Variants in SGCZ observed in about 807,000 individuals in gnomAD.
SGCZ encodes zeta-sarcoglycan.
SGCZ carries 40 observed loss-of-function variants against 41.3 expected under a neutral mutation model. The ratio of observed to expected loss-of-function variants is 0.97; its 90% confidence interval spans 0.75 to 1.26. SGCZ has a LOEUF of 1.26. Among genes scored for constraint, SGCZ ranks in the 50% most tolerant of loss-of-function variants. SGCZ has a pLI of 0.00. For missense variants in SGCZ, 552 were observed against 369.8 expected (o/e 1.49, Z -4.04); for synonymous variants, 206 against 137.5 (o/e 1.50, Z -3.49).
At chr8:14,933,403 G>A (rs1039783491) in intron 1 of SGCZ, among the ~76,000 whole-genome samples, 1 of 151,278 alleles carries the variant, frequency 6.6e-6, no homozygotes, top group Non-Finnish European at 1.5e-5. Flanking sequence ...CACCATTGAA[G>A]GAGTTTTATT....
chr8:14,595,721 C>T (rs1488722741), intron 1 of SGCZ, among the ~76,000 whole-genome samples: 2 of 152,072 alleles, frequency 1.3e-5, no homozygotes, highest in Non-Finnish European at 2.9e-5. Context: ...AGAATGCCTT[C>T]AGGGAAAAAA....
intron 1 of SGCZ, among the ~76,000 whole-genome samples, chr8:15,212,332 C>G (rs930834077): frequency 5.5e-4 from 84 of 152,174 alleles, no homozygotes; most frequent in Middle Eastern, 3.4e-3. Context: ...CCTTTTGAAG[C>G]CACACACTGG....
intron 2 of SGCZ, among the ~76,000 whole-genome samples, chr8:14,418,321 G>C (rs1485386562): frequency 1.3e-5 from 2 of 151,742 alleles, no homozygotes; most frequent in Non-Finnish European, 2.9e-5. Context: ...AAATGGGTTG[G>C]GTCTAAGGAG....
chr8:14,472,810 CTT>C (rs1801250537), intron 2 of SGCZ, among the ~76,000 whole-genome samples: 1 of 152,028 alleles, frequency 6.6e-6, no homozygotes, highest in African/African-American at 2.4e-5. Context: ...ATAAATAACT[CTT>C]TATAAAAATG....
chr8:14,389,464 C>A (rs188829549), intron 2 of SGCZ, among the ~76,000 whole-genome samples: 4 of 147,816 alleles, frequency 2.7e-5, no homozygotes, highest in Non-Finnish European at 5.9e-5. Context: ...AAATCACAAA[C>A]TAACCTGACA....
In SGCZ at chr8:14,645,739, T is replaced by C. The variant is rs972437421; in HGVS notation, c.40-90813A>G. Reference sequence around the variant, plus strand: ...ACACACACACATTCTGTTTTAATATTGTAAATTTTTACGTAGTAAGTTACC... The same window carrying C: ...ACACACACACATTCTGTTTTAATATCGTAAATTTTTACGTAGTAAGTTACC... On this transcript the variant is annotated intron_variant, in intron 1 of 7. Coordinates refer to ENST00000382080, the MANE Select transcript of SGCZ (RefSeq NM_139167.4). 5.3e-5 allele frequency among the ~76,000 whole-genome samples: 8 copies of C among 151,556 alleles called. No homozygotes were observed. In the Admixed American group the frequency reaches 5.3e-4, roughly 10 times the overall value.
intron 2 of SGCZ, among the ~76,000 whole-genome samples, chr8:14,505,206 T>A (rs1802269733): frequency 6.6e-6 from 1 of 152,136 alleles, no homozygotes; most frequent in African/African-American, 2.4e-5. Flanking sequence ...TATTAAAGGT[T>A]CTTAAGTACT....
chr8:14,639,074 T>A (rs1366868775), intron 1 of SGCZ, among the ~76,000 whole-genome samples: 1 of 136,652 alleles, frequency 7.3e-6, no homozygotes, highest in African/African-American at 2.7e-5. Flanking sequence ...TGAGAGGGAA[T>A]TTTGCTCTGT....
chr8:15,136,479 C>T (rs1349943697), intron 1 of SGCZ, among the ~76,000 whole-genome samples: 2 of 151,884 alleles, frequency 1.3e-5, no homozygotes, highest in Non-Finnish European at 2.9e-5. Context: ...CAGGGAAGGG[C>T]ATTGATATTG....
At chr8:14,489,033 CA>C (rs147520331) in intron 2 of SGCZ, among the ~76,000 whole-genome samples, 28,016 of 149,836 alleles carry the variant, frequency 0.19, 3,186 homozygotes, top group Admixed American at 0.26. Context: ...TAAAACACTG[CA>C]ACCAGTGGAA....
At chr8:15,173,897 T>C (rs1456785405) in intron 1 of SGCZ, among the ~76,000 whole-genome samples, 2 of 152,072 alleles carry the variant, frequency 1.3e-5, no homozygotes, top group East Asian at 3.9e-4. Context: ...CTGGCTAATT[T>C]TTTTATTTTT....
At chr8:14,879,575 TACACACACACAGACACACAGAC>T (rs1389423811) in intron 1 of SGCZ, among the ~76,000 whole-genome samples, 2 of 137,042 alleles carry the variant, frequency 1.5e-5, no homozygotes, top group East Asian at 4.4e-4. Flanking sequence ...TGAGGGGAGA[TACACACACACAGACACACAGAC>T]ACACACACAC....
At chr8:14,924,669 T>C (rs922528820) in intron 1 of SGCZ, among the ~76,000 whole-genome samples, 72 of 152,258 alleles carry the variant, frequency 4.7e-4, no homozygotes, top group African/African-American at 1.7e-3. Flanking sequence ...TTACTTTCTA[T>C]AAAAATGAAT....
chr8:14,460,922 T>C (rs1800884395), intron 2 of SGCZ, among the ~76,000 whole-genome samples: 1 of 152,200 alleles, frequency 6.6e-6, no homozygotes, highest in African/African-American at 2.4e-5. Flanking sequence ...ATTCTCCTGT[T>C]AAAATCAGAC....
chr8:14,189,220 T>G (rs1563175381), intron 4 of SGCZ, among the ~76,000 whole-genome samples: 1 of 152,164 alleles, frequency 6.6e-6, no homozygotes, highest in South Asian at 2.1e-4. Flanking sequence ...GAAACGCCAA[T>G]CTTAGTGGGT....
intron 3 of SGCZ, among the ~76,000 whole-genome samples, chr8:14,241,744 G>A (rs1335303326): frequency 1.3e-5 from 2 of 152,044 alleles, no homozygotes; most frequent in African/African-American, 2.4e-5. Context: ...GAAAGGCAAC[G>A]AGACTGTTAA....
rs560708144 is a variant in SGCZ at position 15,183,917 on chromosome 8, A to AGAGTAAT, written c.39+53667_39+53668insATTACTC. On this transcript the variant is annotated intron_variant, in intron 1 of 7. Coordinates refer to ENST00000382080, the MANE Select transcript of SGCZ (RefSeq NM_139167.4). ...TTAAGGGATCAAGTGTAATTACTAC[A>AGAGTAAT]TACTGCACAGAGTAATAAAGGTCTG... Among the ~76,000 whole-genome samples, 91 of 152,306 alleles carry AGAGTAAT rather than the reference A, an allele frequency of 6.0e-4. 3 individuals are homozygous for AGAGTAAT. In the South Asian group the frequency reaches 0.018, roughly 30 times the overall value.
intron 1 of SGCZ, among the ~76,000 whole-genome samples, chr8:14,806,367 A>T (rs2130520658): frequency 6.6e-6 from 1 of 150,854 alleles, no homozygotes; most frequent in South Asian, 2.1e-4. Context: ...GAGAAGAATC[A>T]AATAGACACA....
chr8:14,588,637 A>T (rs2117278166), intron 1 of SGCZ, among the ~76,000 whole-genome samples: 1 of 152,268 alleles, frequency 6.6e-6, no homozygotes, highest in East Asian at 1.9e-4. Context: ...GAAAATGGCA[A>T]AAAAGCAAGA....
Sources: gnomAD v4.1 joint callset for allele counts (sites outside exome capture counted in the v4.1 genomes callset) on GRCh38, gnomAD v4.1.1 for gene constraint, MANE v1.5 for transcripts, NCBI Gene and HGNC (gene_info 2026-07-23, HGNC 2026-07-21) for gene names.